The following FIG4 variants were observed in gnomAD, a reference collection of about 807,000 sequenced individuals.
FIG4 encodes the protein FIG4 phosphoinositide 5-phosphatase, also known as polyphosphoinositide phosphatase.
Under a neutral mutation model 118.6 loss-of-function variants are expected in FIG4, and 112 were observed. The ratio of observed to expected loss-of-function variants is 0.94; its 90% CI spans 0.81 to 1.11. FIG4 has a LOEUF of 1.11. Among genes scored for constraint, FIG4 ranks in the 50% least tolerant of loss-of-function variants. The pLI is 0.00. For synonymous variants in FIG4, 369 were observed against 381.2 expected, an observed-to-expected ratio of 0.97 and a Z score of 0.37; for missense variants, 969 against 1,111.7, an observed-to-expected ratio of 0.87 and a Z score of 1.83.
chr6:109,743,283 C>G lies in FIG4; in HGVS notation c.1039+11C>G. On this transcript the variant is annotated intron_variant, in intron 9 of 22. Transcript: ENST00000230124. ...AACCACCTATTACATGTGTGTGGAGCCATGTTTTTAATAATAACTCCTGTC... is the reference window on the plus strand; with the variant it reads ...AACCACCTATTACATGTGTGTGGAGGCATGTTTTTAATAATAACTCCTGTC... 6.2e-7 allele frequency: 1 copy of G among 1,610,210 alleles called. No individual in the cohort carries two copies. The highest frequency in any genetic ancestry group is 1.1e-5 in the South Asian group (1 of 90,992).
At chr6:109,773,327 A>T (rs1777521070) in intron 15 of FIG4, among the ~76,000 whole-genome samples, 1 of 152,170 alleles carries the variant, frequency 6.6e-6, no homozygotes, top group Non-Finnish European at 1.5e-5. Context: ...TCATGGTATG[A>T]TACTAGGGAG....
intron 14 of FIG4, 70 bp downstream of exon 14, chr6:109,765,231 T>TCAA: frequency 7.5e-7 from 1 of 1,332,446 alleles, no homozygotes; most frequent in Admixed American, 1.7e-5. Flanking sequence ...AATAAGATTT[T>TCAA]TTTATGAAAG....
At chr6:109,697,928 G>A (rs989748104) in intron 1 of FIG4, among the ~76,000 whole-genome samples, 8 of 149,528 alleles carry the variant, frequency 5.4e-5, no homozygotes, top group South Asian at 4.2e-4. Context: ...TTGCACTGTC[G>A]CCCAGGCTGG....
At chr6:109,708,517 G>C (rs1308185211) in intron 1 of FIG4, among the ~76,000 whole-genome samples, 1 of 152,162 alleles carries the variant, frequency 6.6e-6, no homozygotes, top group East Asian at 1.9e-4. Flanking sequence ...TGATATTTCT[G>C]TCTTTAGGTC....
In FIG4 at chr6:109,762,233, A is replaced by T; in HGVS notation, c.1388+26A>T. 2.2e-6 allele frequency: 3 copies of T among 1,370,814 alleles called. No individual in the cohort carries two copies. In the South Asian group the frequency reaches 3.5e-5, roughly 16 times the overall value. The allele number at this position is 1,370,814 out of a possible 1,614,324, so 84.9% of individuals were successfully genotyped here. On this transcript the variant is annotated intron_variant, in intron 12 of 22. Coordinates refer to ENST00000230124, the MANE Select transcript of FIG4 (RefSeq NM_014845.6). ...GTATGTATGGTATTTTAAAACTTAT[A>T]ATAAATGATGATTTTTGCTCTTATG...
At chr6:109,809,522 A>G (rs1778663875) in intron 22 of FIG4, among the ~76,000 whole-genome samples, 1 of 152,162 alleles carries the variant, frequency 6.6e-6, no homozygotes, top group Admixed American at 6.5e-5. Context: ...AAGAGTGTGA[A>G]GGGATTCTGA....
intron 17 of FIG4, among the ~76,000 whole-genome samples, chr6:109,785,372 C>T (rs924831877): frequency 2.6e-5 from 4 of 151,904 alleles, no homozygotes; most frequent in South Asian, 4.1e-4. Flanking sequence ...TGGGAGAATG[C>T]GGAGGAAGTA....
chr6:109,713,817 G>T (rs1435808158), intron 1 of FIG4, among the ~76,000 whole-genome samples: 2 of 152,142 alleles, frequency 1.3e-5, no homozygotes, highest in African/African-American at 2.4e-5. Context: ...CAGTCCACCA[G>T]CACAGGGTCT....
chr6:109,739,246 AC>A (rs5879044), intron 7 of FIG4, among the ~76,000 whole-genome samples: 68,335 of 151,786 alleles, frequency 0.45, 16,944 homozygotes, highest in African/African-American at 0.67. Flanking sequence ...TTTTGTAAAA[AC>A]TTTTATTTCC....
In FIG4 at chr6:109,765,047, T is replaced by G. The variant is rs1261940378; in HGVS notation, c.1469T>G (p.Leu490Ter). The G allele has an allele frequency of 1.2e-6, 2 of 1,614,036 alleles. No homozygotes were observed. The highest frequency in any genetic ancestry group is 3.3e-5 in the Admixed American group (2 of 60,030). The change falls in exon 14 of 23, where the codon TTA (leucine) becomes TGA (stop). Residue 490 changes from leucine (L) to a stop codon, truncating the protein, a stop_gained. Coordinates refer to ENST00000230124, the MANE Select transcript of FIG4 (RefSeq NM_014845.6). LOFTEE classifies it high-confidence loss of function. ...CTTCGAACCAACTGTGTGGACTGTTTAGATCGCACCAACACAGCACAGTTT... is the reference window on the plus strand; with the variant it reads ...CTTCGAACCAACTGTGTGGACTGTTGAGATCGCACCAACACAGCACAGTTT... The part of the protein sequence containing the change: ...GILRTNCVDC[L>*]DRTNTAQFMV...
intron 12 of FIG4, among the ~76,000 whole-genome samples, chr6:109,762,711 A>G (rs1479892291): frequency 1.3e-5 from 2 of 151,878 alleles, no homozygotes; most frequent in Non-Finnish European, 2.9e-5. Context: ...TCATAAGACA[A>G]TAAAAAAGAA....
chr6:109,810,475 T>C (rs1200485637), intron 22 of FIG4, among the ~76,000 whole-genome samples: 1 of 152,178 alleles, frequency 6.6e-6, no homozygotes, highest in East Asian at 1.9e-4. Flanking sequence ...TCTGGTTCAT[T>C]GGTTCATTTA....
chr6:109,822,785 A>ATG (rs1339456642), intron 22 of FIG4, among the ~76,000 whole-genome samples: 6 of 22,112 alleles, frequency 2.7e-4, no homozygotes, highest in South Asian at 8.2e-3. Context: ...GTGTGTGTGT[A>ATG]TGTATATATA....
At chr6:109,730,818 C>T (rs1775977224) in intron 4 of FIG4, among the ~76,000 whole-genome samples, 1 of 152,012 alleles carries the variant, frequency 6.6e-6, no homozygotes, top group Non-Finnish European at 1.5e-5. Context: ...TTTTTATAAT[C>T]CTGGTATGGA....
chr6:109,732,835 C>A (rs749238041), intron 5 of FIG4, 148 bp downstream of exon 5: 6 of 571,562 alleles, frequency 1.0e-5, no homozygotes, highest in African/African-American at 1.9e-5. Context: ...ATAGCTATTT[C>A]TTCCTTTTAA....
At chr6:109,774,674 G>A (rs1040615707) in intron 15 of FIG4, among the ~76,000 whole-genome samples, 14 of 152,152 alleles carry the variant, frequency 9.2e-5, no homozygotes, top group African/African-American at 3.4e-4. Context: ...CTAATTTGCA[G>A]TATTTGATAA....
chr6:109,715,957 T>A (rs1775416384), intron 2 of FIG4, among the ~76,000 whole-genome samples: 1 of 152,214 alleles, frequency 6.6e-6, no homozygotes. Flanking sequence ...TGTTACGATT[T>A]CCCATGCTAC....
intron 12 of FIG4, among the ~76,000 whole-genome samples, chr6:109,762,418 G>A (rs1024368773): frequency 6.6e-6 from 1 of 151,706 alleles, no homozygotes; most frequent in Non-Finnish European, 1.5e-5. Flanking sequence ...CATGGGATCT[G>A]CATCTCTTGC....
At chr6:109,765,272 G>T (rs1274059876) in intron 14 of FIG4, 111 bp downstream of exon 14, 6 of 847,418 alleles carry the variant, frequency 7.1e-6, no homozygotes, top group Non-Finnish European at 1.2e-5. Context: ...CAAAAATTAT[G>T]TTGCTAGAAA....
Sources: allele counts gnomAD v4.1 joint callset (sites outside exome capture counted in the v4.1 genomes callset), GRCh38; gene constraint gnomAD v4.1.1; transcripts MANE v1.5; gene names NCBI Gene and HGNC (gene_info 2026-07-23, HGNC 2026-07-21).